Variants in SPMIP5 observed in about 807,000 individuals in gnomAD.
SPMIP5 encodes the protein sperm microtubule inner protein 5, also known as sperm-associated microtubule inner protein 5.
chr10:116,666,668 A>T, the SPMIP5 span, among the ~76,000 whole-genome samples: 154 of 152,166 alleles, frequency 1.0e-3, no homozygotes, highest in Admixed American at 4.1e-3. Flanking sequence ...TTACTAAACT[A>T]ATCTTGACAG....
chr10:116,666,897 A>G, the SPMIP5 span, among the ~76,000 whole-genome samples: 1 of 152,226 alleles, frequency 6.6e-6, no homozygotes, highest in Admixed American at 6.5e-5. Context: ...CATTTAAAAT[A>G]GGTTATGTAT....
At chr10:116,662,485 C>T in the SPMIP5 span, among the ~76,000 whole-genome samples, 2 of 152,098 alleles carry the variant, frequency 1.3e-5, no homozygotes, top group Non-Finnish European at 2.9e-5. Context: ...TTTTTCTCAT[C>T]AAAGTTCTCT....
chr10:116,665,289 TGGCTGAGGCTGA>T, the SPMIP5 span: 14 of 405,258 alleles, frequency 3.5e-5, no homozygotes, highest in African/African-American at 1.2e-4. Context: ...CTCAGCTACT[TGGCTGAGGCTGA>T]GGCTGAGGCA....
At chr10:116,664,247 T>G in the SPMIP5 span, 1 of 1,607,628 alleles carries the variant, frequency 6.2e-7, no homozygotes, top group South Asian at 1.1e-5. Flanking sequence ...GAGCAGAAGT[T>G]TTTGTGGAGC....
chr10:116,663,620 G>A, the SPMIP5 span: 4 of 322,968 alleles, frequency 1.2e-5, no homozygotes, highest in African/African-American at 2.1e-5. Context: ...CCTGGCTGCA[G>A]TGTTACCTCG....
At chr10:116,665,527 G>A in the SPMIP5 span, 2 of 1,293,714 alleles carry the variant, frequency 1.5e-6, no homozygotes, top group Non-Finnish European at 2.2e-6. Flanking sequence ...GATTCTGGGT[G>A]CTATGGGGCA....
the SPMIP5 span, chr10:116,664,550 G>A: frequency 2.0e-6 from 2 of 1,015,078 alleles, no homozygotes; most frequent in Non-Finnish European, 2.7e-6. Flanking sequence ...ACCACAGGTA[G>A]AGCTGCTGGG....
At chr10:116,663,841 A>G in the SPMIP5 span, 2 of 1,458,706 alleles carry the variant, frequency 1.4e-6, no homozygotes, top group Non-Finnish European at 1.8e-6. Context: ...GCGTGATTCC[A>G]ACATGAGAAT....
At chr10:116,664,580 G>T in the SPMIP5 span, 1 of 1,225,812 alleles carries the variant, frequency 8.2e-7, no homozygotes. Flanking sequence ...GCACAGGTTG[G>T]GAGCAGAGGG....
At chr10:116,663,845 T>G in the SPMIP5 span, 1,161 of 1,451,188 alleles carry the variant, frequency 8.0e-4, no homozygotes, top group Non-Finnish European at 9.7e-4. Context: ...GATTCCAACA[T>G]GAGAATGGCA....
At chr10:116,665,426 A>G in the SPMIP5 span, 3 of 578,134 alleles carry the variant, frequency 5.2e-6, no homozygotes, top group Non-Finnish European at 2.9e-6. Context: ...AAAAAAGAAA[A>G]AGAAAGAAAG....
At chr10:116,664,018 C>T in the SPMIP5 span, 1 of 1,559,776 alleles carries the variant, frequency 6.4e-7, no homozygotes, top group Non-Finnish European at 8.7e-7. Context: ...GGGGTCCTCT[C>T]TCAGGGGCCT....
chr10:116,665,697 G>C, the SPMIP5 span: 7 of 1,614,188 alleles, frequency 4.3e-6, no homozygotes, highest in Non-Finnish European at 5.9e-6. Flanking sequence ...TTTCGGGGCA[G>C]TGGCCACTGC....
chr10:116,663,739 C>T, the SPMIP5 span: 1 of 731,194 alleles, frequency 1.4e-6, no homozygotes. Context: ...AAAAAACGGT[C>T]TTTATCATTA....
chr10:116,664,772 T>G, the SPMIP5 span: 5 of 1,613,898 alleles, frequency 3.1e-6, no homozygotes, highest in African/African-American at 1.3e-5. Flanking sequence ...CTTCATATGG[T>G]TTCAGATGTG....
the SPMIP5 span, chr10:116,669,795 T>C: frequency 6.6e-6 from 1 of 151,764 alleles, no homozygotes; most frequent in African/African-American, 2.4e-5. Context: ...AGCTGGGGTA[T>C]AAGCCTGCCT....
the SPMIP5 span, chr10:116,668,216 G>T: frequency 6.3e-7 from 1 of 1,584,952 alleles, no homozygotes; most frequent in South Asian, 1.1e-5. Flanking sequence ...CAGGACCCGG[G>T]TTCCCCTGCC....
chr10:116,665,380 A>C, the SPMIP5 span: 16 of 448,186 alleles, frequency 3.6e-5, no homozygotes, highest in Non-Finnish European at 6.3e-5. Flanking sequence ...ACTCCAGCCT[A>C]GGCAACAGAG....
chr10:116,664,435 A>G, the SPMIP5 span: 1 of 796,380 alleles, frequency 1.3e-6, no homozygotes, highest in Non-Finnish European at 1.9e-6. Context: ...CTCATTTCGC[A>G]GAAGAGAAAG....
Sources: allele counts gnomAD v4.1 joint callset (sites outside exome capture counted in the v4.1 genomes callset), GRCh38; gene constraint gnomAD v4.1.1; transcripts MANE v1.5; gene names NCBI Gene and HGNC (gene_info 2026-07-23, HGNC 2026-07-21).